Variants in CRTAC1 observed in about 807,000 individuals in gnomAD.
CRTAC1 encodes cartilage acidic protein 1, also known as acidic secreted protein in cartilage.
CRTAC1 carries 37 observed loss-of-function variants against 67.8 expected under a neutral mutation model. The ratio of observed to expected loss-of-function variants is 0.55; its 90% CI spans 0.42 to 0.72. CRTAC1 has a LOEUF of 0.72. Among genes scored for constraint, CRTAC1 ranks in the 30% least tolerant of loss-of-function variants. The probability of loss-of-function intolerance (pLI) is 0.00; values close to 1 mark genes in which losing one functional copy is unlikely to be tolerated. For missense variants in CRTAC1, 780 were observed against 931.6 expected (o/e 0.84, Z 2.12); for synonymous variants, 348 against 371.0 (o/e 0.94, Z 0.71).
intron 1 of CRTAC1, among the ~76,000 whole-genome samples, chr10:98,016,866 G>A (rs1196511729): frequency 6.6e-6 from 1 of 151,266 alleles, no homozygotes; most frequent in Non-Finnish European, 1.5e-5. Context: ...TTTATCTAGG[G>A]AGTGTCAGAG....
At chr10:97,925,145 C>A (rs2050894220) in intron 3 of CRTAC1, among the ~76,000 whole-genome samples, 2 of 152,178 alleles carry the variant, frequency 1.3e-5, no homozygotes, top group Admixed American at 6.5e-5. Flanking sequence ...GTGGCACATG[C>A]CTGTAGTCCC....
chr10:97,951,483 G>C (rs1251403883), intron 2 of CRTAC1, among the ~76,000 whole-genome samples: 1 of 152,184 alleles, frequency 6.6e-6, no homozygotes, highest in East Asian at 1.9e-4. Flanking sequence ...AGGCTGCCTT[G>C]AATTTCCTCA....
intron 2 of CRTAC1, among the ~76,000 whole-genome samples, chr10:97,953,450 T>C (rs1023465174): frequency 1.3e-5 from 2 of 152,096 alleles, no homozygotes; most frequent in East Asian, 3.9e-4. Flanking sequence ...GTAGCCTCGA[T>C]AAATGGCCAG....
At chr10:97,881,162 T>A (rs553860457) in intron 13 of CRTAC1, among the ~76,000 whole-genome samples, 1 of 152,148 alleles carries the variant, frequency 6.6e-6, no homozygotes, top group South Asian at 2.1e-4. Context: ...ATCATGTCAC[T>A]CCCCAGTTTA....
rs951031378 is a variant in CRTAC1, at chr10:97,987,480, A to T, written c.224+23658T>A. Among the ~76,000 whole-genome samples, 5 of 152,240 alleles carry T rather than the reference A, an allele frequency of 3.3e-5. 1 individual carries two copies. The highest frequency in any genetic ancestry group is 7.2e-5 in the African/African-American group (3 of 41,462). On this transcript the variant is annotated intron_variant, in intron 2 of 14. Coordinates refer to ENST00000370597, the MANE Select transcript of CRTAC1 (RefSeq NM_018058.7). ...AAAATTGAGGGTTAGAAGGAAAGAT[A>T]AATGGGTGCTGAAGTGGATGATTTA...
At position 97,880,353 on chromosome 10, in the gene CRTAC1, C is replaced by T. The variant is rs144857552; in HGVS notation, c.1715G>A (p.Arg572Gln). The T allele has an allele frequency of 2.9e-4, 474 of 1,614,120 alleles. No homozygotes were observed. Among genetic ancestry groups the T allele is most frequent in the Admixed American group, 1.0e-4 (6 of 60,032 alleles). The part of the protein sequence containing the change: ...ECIQFPFVCP[R>Q]DKPVCVNTYG... The stretch of plus-strand genomic sequence containing the variant: ...GGTGTTGACACATACGGGCTTGTCT[C>T]GAGGGCACACGAATGGGAACTGGAT... The change falls in exon 14 of 15, where the codon CGA (arginine) becomes CAA (glutamine). Residue 572 changes from arginine to glutamine, a missense_variant. Transcript: ENST00000370597.
At chr10:97,956,963 C>T (rs2051450842) in intron 2 of CRTAC1, among the ~76,000 whole-genome samples, 5 of 151,844 alleles carry the variant, frequency 3.3e-5, no homozygotes, top group Admixed American at 3.3e-4. Context: ...CATGCCACCA[C>T]ACCTGGCTAA....
intron 14 of CRTAC1, chr10:97,878,500 T>C: frequency 3.4e-6 from 3 of 890,172 alleles, no homozygotes; most frequent in Non-Finnish European, 4.4e-6. Flanking sequence ...TTCTTAAGTG[T>C]AATTTTATTA....
Position 97,865,610 on chromosome 10 carries a change from G to A in CRTAC1, c.1924C>T (p.Leu642Phe). The change falls in exon 15 of 15, where the codon CTC becomes TTC. Residue 642 changes from leucine to phenylalanine, a missense_variant. Transcript: ENST00000370597. ...CCCAGATTGAGATCTCCATCTACGAGGACCGGTGCAGCAGTGGCAGCTCCA... is the reference window on the plus strand; with the variant it reads ...CCCAGATTGAGATCTCCATCTACGAAGACCGGTGCAGCAGTGGCAGCTCCA... ...AAGAATAAPV[L>F]VDGDLNLGSV... is the part of the protein sequence containing the mutation. 1 of 1,613,618 alleles carries A rather than the reference G, an allele frequency of 6.2e-7. No homozygotes were observed. The highest frequency in any genetic ancestry group is 8.5e-7 in the Non-Finnish European group (1 of 1,179,640).
Position 97,904,688 on chromosome 10 carries a change from T to C in CRTAC1, c.977A>G (p.His326Arg), listed in dbSNP as rs767052783. 6.3e-7 allele frequency: 1 copy of C among 1,582,566 alleles called. No homozygotes were observed. The highest frequency in any genetic ancestry group is 1.7e-4 in the Middle Eastern group (1 of 5,950). Reference sequence around the variant, plus strand: ...TCTTACCCGGAAGCGGACCTTCCCATGGGTGCTCATTTGCAGATAGAGGCG... The same window carrying C: ...TCTTACCCGGAAGCGGACCTTCCCACGGGTGCTCATTTGCAGATAGAGGCG... ...PHRLYLQMSTHGKVRFRDIAS... is the reference protein window; with the variant it reads ...PHRLYLQMSTRGKVRFRDIAS... Residue 326 changes from histidine to arginine, a missense_variant, in exon 7 of 15, where the codon CAT (histidine) becomes CGT (arginine). Transcript: ENST00000370597.
At chr10:97,915,475 A>C (rs1195189729) in intron 5 of CRTAC1, among the ~76,000 whole-genome samples, 1 of 152,162 alleles carries the variant, frequency 6.6e-6, no homozygotes, top group Admixed American at 6.5e-5. Context: ...ACATCTGGAC[A>C]TGGCCTGCCC....
At chr10:98,002,764 T>TA in intron 2 of CRTAC1, among the ~76,000 whole-genome samples, 1 of 77,296 alleles carries the variant, frequency 1.3e-5, no homozygotes, top group African/African-American at 8.1e-5. Context: ...AAACTCACTT[T>TA]TTTTTTTTTT....
intron 2 of CRTAC1, among the ~76,000 whole-genome samples, chr10:97,986,457 T>C (rs78908692): frequency 6.6e-6 from 1 of 152,204 alleles, no homozygotes. Context: ...TAAGATGTCA[T>C]GGCACAGTGA....
rs760729192 is a variant in CRTAC1, at chr10:97,950,272, G to GAGAGAGAGAGAGAT, written c.225-13907_225-13906insATCTCTCTCTCTCT. ...AGAGAGAGAGAGAGAGAGAGAGAGA[G>GAGAGAGAGAGAGAT]AGAGAGAGAGAGAGAGAGTATGGCT... is the stretch of plus-strand genomic sequence containing the variant. On this transcript the variant is annotated intron_variant, in intron 2 of 14. Transcript: ENST00000370597. 4.7e-3 allele frequency among the ~76,000 whole-genome samples: 715 copies of GAGAGAGAGAGAGAT among 151,546 alleles called. 1 individual carries two copies. Among genetic ancestry groups the GAGAGAGAGAGAGAT allele is most frequent in the Middle Eastern group, 0.01 (3 of 294 alleles).
chr10:97,895,478 GC>G lies in CRTAC1; in HGVS notation c.1318-66del. On this transcript the variant is annotated intron_variant, in intron 10 of 14. Coordinates refer to ENST00000370597, the MANE Select transcript of CRTAC1 (RefSeq NM_018058.7). This position sits in a 1 kb window ranked among gnomAD's most constrained non-coding sequence, Gnocchi z 4.2. ...GCATGGTGGGTGGGAAGAGCAGGGA[GC>G]CAGGGAGGACGGGAGGGGGAGAGGG... is the stretch of plus-strand genomic sequence containing the variant. 6.9e-7 allele frequency: 1 copy of G among 1,447,014 alleles called. No individual in the cohort carries two copies. The highest frequency in any genetic ancestry group is 9.3e-7 in the Non-Finnish European group (1 of 1,073,520). 89.6% of individuals were successfully genotyped at this position (1,447,014 alleles called of 1,614,324 possible).
In CRTAC1 at chr10:97,895,373, C is replaced by G; in HGVS notation, c.1358G>C (p.Arg453Pro). 1 of 1,612,682 alleles carries G rather than the reference C, an allele frequency of 6.2e-7. No homozygotes were observed. Among genetic ancestry groups the G allele is most frequent in the Non-Finnish European group, 8.5e-7 (1 of 1,179,484 alleles). Residue 453 changes from arginine (R) to proline (P), a missense_variant, in exon 11 of 15, where the codon CGG becomes CCG. By Grantham distance (103) the Arg-to-Pro change is moderately radical. Coordinates refer to ENST00000370597, the MANE Select transcript of CRTAC1 (RefSeq NM_018058.7). The surrounding 1 kb of genome is among the most constrained non-coding windows in gnomAD (Gnocchi z 4.2). ...NNWLRVVPRTRFGAFARGAKV... is the reference protein window; with the variant it reads ...NNWLRVVPRTPFGAFARGAKV... ...AGCTCCCCTGGCAAAGGCCCCAAAC[C>G]GGGTGCGTGGCACCACTCGCAGCCA...
At chr10:97,969,817 G>T (rs2051678914) in intron 2 of CRTAC1, among the ~76,000 whole-genome samples, 1 of 152,046 alleles carries the variant, frequency 6.6e-6, no homozygotes, top group African/African-American at 2.4e-5. Flanking sequence ...AGTAGGCTTA[G>T]TCATTGGGTA....
intron 11 of CRTAC1, among the ~76,000 whole-genome samples, chr10:97,892,726 T>C (rs570215092): frequency 1.3e-5 from 2 of 152,346 alleles, no homozygotes; most frequent in South Asian, 4.1e-4. Flanking sequence ...ACTGCTACTT[T>C]GCAAGACAGG....
At position 97,913,604 on chromosome 10, in the gene CRTAC1, TC is replaced by T. The variant is rs111573414; in HGVS notation, c.715+3895del. Reference sequence around the variant, plus strand: ...GTTTGTTTTAAAAGAAACGCAATGTTCCCCCCGATACTCATCAAATGCATCT... The same window carrying T: ...GTTTGTTTTAAAAGAAACGCAATGTTCCCCCGATACTCATCAAATGCATCT... On this transcript the variant is annotated intron_variant, in intron 5 of 14. Coordinates refer to ENST00000370597, the MANE Select transcript of CRTAC1 (RefSeq NM_018058.7). 3.4e-3 allele frequency among the ~76,000 whole-genome samples: 516 copies of T among 152,230 alleles called. 5 individuals carry two copies. The highest frequency in any genetic ancestry group is 0.012 in the African/African-American group (501 of 41,516).
Sources: gnomAD v4.1 joint callset for allele counts (sites outside exome capture counted in the v4.1 genomes callset) on GRCh38, gnomAD v4.1.1 for gene constraint, Gnocchi (gnomAD v3.1) non-coding constraint, MANE v1.5 for transcripts, NCBI Gene and HGNC (gene_info 2026-07-23, HGNC 2026-07-21) for gene names.